Variants in DCC observed in about 807,000 individuals in gnomAD.
The protein encoded by DCC is netrin receptor DCC.
DCC carries 58 observed loss-of-function variants against 172.5 expected under a neutral mutation model. The ratio of observed to expected loss-of-function variants is 0.34; its 90% confidence interval spans 0.27 to 0.42. The LOEUF (loss-of-function observed/expected upper bound fraction) is 0.42. Ranked by LOEUF, DCC falls within the 10% of genes least tolerant of loss-of-function variation. The pLI, the probability that DCC is intolerant of heterozygous loss-of-function variation, is 1.00. For missense variants in DCC, 1,740 were observed against 1,791.0 expected (o/e 0.97, Z 0.51); for synonymous variants, 709 against 644.5 (o/e 1.10, Z -1.52).
intron 1 of DCC, among the ~76,000 whole-genome samples, chr18:52,479,710 C>A (rs2029883505): frequency 6.6e-6 from 1 of 151,740 alleles, no homozygotes; most frequent in Admixed American, 6.6e-5. Context: ...ATGCAGACAA[C>A]ATTTTCTGTT....
At chr18:52,525,986 T>G (rs1023177352) in intron 1 of DCC, among the ~76,000 whole-genome samples, 4 of 152,238 alleles carry the variant, frequency 2.6e-5, no homozygotes, top group Non-Finnish European at 4.4e-5. Flanking sequence ...CTAATGATAT[T>G]CTTACATTAT....
chr18:53,258,116 G>C (rs1324252237), intron 12 of DCC, among the ~76,000 whole-genome samples: 5 of 151,908 alleles, frequency 3.3e-5, no homozygotes, highest in Non-Finnish European at 5.9e-5. Flanking sequence ...TTCTTTATTA[G>C]TCTTGTTAGC....
At chr18:52,551,256 G>T (rs978714802) in intron 1 of DCC, among the ~76,000 whole-genome samples, 3 of 151,930 alleles carry the variant, frequency 2.0e-5, no homozygotes, top group Non-Finnish European at 4.4e-5. Context: ...TGTTGGGTAC[G>T]ATCTATGTAG....
rs182921334 is a variant in DCC at position 52,999,074 on chromosome 18, T to C, written c.986-64231T>C. Reference sequence around the variant, plus strand: ...ATGGACACAGTGAGTATTCAACAGCTATTGAATGCAAAGGGACTGAATGTA... The same window carrying C: ...ATGGACACAGTGAGTATTCAACAGCCATTGAATGCAAAGGGACTGAATGTA... On this transcript the variant is annotated intron_variant, in intron 5 of 28. Coordinates refer to ENST00000442544, the MANE Select transcript of DCC (RefSeq NM_005215.4). Among the ~76,000 whole-genome samples, 132 of 152,226 alleles carry C rather than the reference T, an allele frequency of 8.7e-4. 2 individuals are homozygous for C. Among genetic ancestry groups the C allele is most frequent in the African/African-American group, 3.1e-3 (130 of 41,562 alleles).
chr18:52,750,706 G>A (rs2036981373), intron 1 of DCC, among the ~76,000 whole-genome samples: 1 of 152,168 alleles, frequency 6.6e-6, no homozygotes, highest in African/African-American at 2.4e-5. Flanking sequence ...AAAATGGGGT[G>A]TACAAAGATA....
chr18:53,151,575 A>G (rs1309542834), intron 7 of DCC, among the ~76,000 whole-genome samples: 1 of 152,170 alleles, frequency 6.6e-6, no homozygotes, highest in Non-Finnish European at 1.5e-5. Flanking sequence ...CCATTTCACA[A>G]TGTATATATG....
intron 9 of DCC, among the ~76,000 whole-genome samples, chr18:53,190,823 G>T (rs1281948858): frequency 6.6e-6 from 1 of 152,128 alleles, no homozygotes; most frequent in Non-Finnish European, 1.5e-5. Flanking sequence ...GCGGGCGCCT[G>T]TAGTCCCGGC....
intron 15 of DCC, among the ~76,000 whole-genome samples, chr18:53,382,244 C>T (rs990016064): frequency 4.6e-5 from 7 of 151,970 alleles, no homozygotes; most frequent in African/African-American, 1.7e-4. Context: ...TTTTAAATGG[C>T]TCAAGCCTAA....
chr18:53,439,955 C>T (rs1206494354), intron 22 of DCC, among the ~76,000 whole-genome samples: 2 of 150,794 alleles, frequency 1.3e-5, no homozygotes, highest in Admixed American at 6.6e-5. Flanking sequence ...TTAGTAGAGA[C>T]GGGGTTTCAC....
intron 1 of DCC, among the ~76,000 whole-genome samples, chr18:52,456,686 A>G (rs1226302621): frequency 6.6e-6 from 1 of 152,204 alleles, no homozygotes; most frequent in Non-Finnish European, 1.5e-5. Context: ...TGGAAGACAC[A>G]TTGCTTAAAG....
chr18:53,162,740 C>A (rs1288415042), intron 8 of DCC, among the ~76,000 whole-genome samples: 1 of 152,210 alleles, frequency 6.6e-6, no homozygotes, highest in East Asian at 1.9e-4. Flanking sequence ...GGAAGCCTTT[C>A]TTGATCCCTG....
chr18:52,817,791 T>TTATA (rs151243256), intron 2 of DCC, among the ~76,000 whole-genome samples: 51 of 150,768 alleles, frequency 3.4e-4, no homozygotes, highest in Middle Eastern at 3.4e-3. Flanking sequence ...TATAAAATGT[T>TTATA]TATATATATA....
At chr18:53,464,250 A>G (rs1436882746) in intron 24 of DCC, among the ~76,000 whole-genome samples, 1 of 152,234 alleles carries the variant, frequency 6.6e-6, no homozygotes, top group Non-Finnish European at 1.5e-5. Flanking sequence ...CCACAGGATT[A>G]TGTTACTTAG....
At chr18:53,351,334 A>T (rs71363042) in intron 15 of DCC, among the ~76,000 whole-genome samples, 7,148 of 16,948 alleles carry the variant, frequency 0.42, 1,007 homozygotes, top group East Asian at 0.55. Context: ...ATATATATAC[A>T]GTGTATATAT....
At chr18:53,264,000 T>A (rs2056636836) in intron 12 of DCC, among the ~76,000 whole-genome samples, 4 of 152,148 alleles carry the variant, frequency 2.6e-5, no homozygotes, top group African/African-American at 9.7e-5. Context: ...ACAAAGCATA[T>A]TTTCAAAGAA....
intron 5 of DCC, among the ~76,000 whole-genome samples, chr18:52,950,152 C>G (rs899911168): frequency 2.0e-5 from 3 of 152,160 alleles, no homozygotes; most frequent in Non-Finnish European, 4.4e-5. Context: ...TTATACTTCT[C>G]TCCATCAAAT....
chr18:53,029,616 C>CT (rs74178698), intron 5 of DCC, among the ~76,000 whole-genome samples: 104,757 of 151,712 alleles, frequency 0.69, 37,689 homozygotes, highest in African/African-American at 0.9. Context: ...TTCTATGTGT[C>CT]TTTTTTTTAT....
At chr18:53,205,900 T>A (rs753016976) in intron 10 of DCC, among the ~76,000 whole-genome samples, 45 of 151,836 alleles carry the variant, frequency 3.0e-4, no homozygotes, top group Non-Finnish European at 6.0e-4. Flanking sequence ...CATAGACACC[T>A]GAAAAGAAGC....
chr18:52,351,052 G>C (rs1303759251), intron 1 of DCC, among the ~76,000 whole-genome samples: 1 of 152,070 alleles, frequency 6.6e-6, no homozygotes, highest in Non-Finnish European at 1.5e-5. Flanking sequence ...TGTAGGAAAG[G>C]GTCTCAGACA....
Sources: gnomAD v4.1 joint callset for allele counts (sites outside exome capture counted in the v4.1 genomes callset) on GRCh38, gnomAD v4.1.1 for gene constraint, MANE v1.5 for transcripts, NCBI Gene and HGNC (gene_info 2026-07-23, HGNC 2026-07-21) for gene names.